Variants in DOCK9 observed in about 807,000 individuals in gnomAD.
The protein encoded by DOCK9 is dedicator of cytokinesis 9.
Under a neutral mutation model 263.3 loss-of-function variants are expected in DOCK9, and 89 were observed. That is an observed-to-expected ratio of 0.34 (90% CI 0.28 to 0.40). The LOEUF (loss-of-function observed/expected upper bound fraction) is 0.40. DOCK9 is among the 10% of genes least tolerant of loss of function. The probability of loss-of-function intolerance (pLI) is 1.00; values close to 1 mark genes in which losing one functional copy is unlikely to be tolerated. For missense variants in DOCK9, 2,140 were observed against 2,603.4 expected, an observed-to-expected ratio of 0.82 and a Z score of 3.87; for synonymous variants, 976 against 973.1, an observed-to-expected ratio of 1.00 and a Z score of -0.06.
chr13:99,001,701 G>A (rs1882359175), intron 1 of DOCK9, among the ~76,000 whole-genome samples: 1 of 152,252 alleles, frequency 6.6e-6, no homozygotes, highest in African/African-American at 2.4e-5. Flanking sequence ...ACAGCATGGA[G>A]ACATGAAAGA....
chr13:98,871,589 T>C (rs2094188003), intron 27 of DOCK9, among the ~76,000 whole-genome samples: 1 of 152,260 alleles, frequency 6.6e-6, no homozygotes, highest in Admixed American at 6.5e-5. Context: ...TGGAGATTAC[T>C]ATAAACTGAA....
chr13:98,967,660 C>T (rs931863247), intron 1 of DOCK9, among the ~76,000 whole-genome samples: 3 of 152,200 alleles, frequency 2.0e-5, no homozygotes, highest in Admixed American at 6.5e-5. Context: ...TCAGGCTCCA[C>T]GTCGCCAGGG....
At chr13:98,916,656 T>C (rs1301540237) in intron 7 of DOCK9, among the ~76,000 whole-genome samples, 4 of 152,224 alleles carry the variant, frequency 2.6e-5, no homozygotes, top group African/African-American at 9.7e-5. Context: ...ATTGCCACTT[T>C]GGATTCCACT....
chr13:98,902,937 T>A, intron 11 of DOCK9, 35 bp downstream of exon 11: 1 of 1,477,416 alleles, frequency 6.8e-7, no homozygotes, highest in East Asian at 2.5e-5. Context: ...CTGCCTATTT[T>A]TTTTTTAATG....
Position 98,797,473 on chromosome 13 carries a change from A to G in DOCK9, c.5933T>C (p.Leu1978Pro). The change falls in exon 51 of 53, where the codon CTA becomes CCA. Residue 1978 changes from leucine to proline, a missense_variant. Transcript: ENST00000682017. ...ATCTAAGAAAGCTCGCGCATATGCT[A>G]GTGGGCCAGCATTGACCTAGACAAA... ...SVSVQVNAGPLAYARAFLDDT... is the reference protein window; with the variant it reads ...SVSVQVNAGPPAYARAFLDDT... 1 of 1,611,740 alleles carries G rather than the reference A, an allele frequency of 6.2e-7. No individual in the cohort carries two copies. Among genetic ancestry groups the G allele is most frequent in the Non-Finnish European group, 8.5e-7 (1 of 1,178,878 alleles).
intron 35 of DOCK9, 54 bp from the exon 36 acceptor site, chr13:98,850,167 GA>G (rs2093520543): frequency 8.0e-6 from 10 of 1,249,412 alleles, no homozygotes; most frequent in Non-Finnish European, 1.1e-5. Context: ...ACATTATGGA[GA>G]ATCACCTGTT....
chr13:98,957,974 C>T (rs1334404520), intron 1 of DOCK9, among the ~76,000 whole-genome samples: 1 of 152,210 alleles, frequency 6.6e-6, no homozygotes, highest in Non-Finnish European at 1.5e-5. Flanking sequence ...GCTGAATCCT[C>T]AGCTGGGTGC....
intron 5 of DOCK9, among the ~76,000 whole-genome samples, chr13:98,922,483 G>A (rs774711207): frequency 3.9e-5 from 6 of 152,100 alleles, no homozygotes; most frequent in Non-Finnish European, 8.8e-5. Context: ...CTGGTTTCAC[G>A]AAAAAATGTT....
At chr13:99,082,821 G>A (rs947237443) in intron 1 of DOCK9, among the ~76,000 whole-genome samples, 5 of 152,134 alleles carry the variant, frequency 3.3e-5, no homozygotes, top group Non-Finnish European at 7.3e-5. Flanking sequence ...AAGAAACTGA[G>A]CCCCAACAAG....
intron 2 of DOCK9, among the ~76,000 whole-genome samples, chr13:98,932,378 G>C (rs560917292): frequency 6.6e-6 from 1 of 151,208 alleles, no homozygotes; most frequent in African/African-American, 2.4e-5. Flanking sequence ...CTGGGCAACA[G>C]AGCAAGACTC....
intron 6 of DOCK9, among the ~76,000 whole-genome samples, chr13:98,921,497 A>T (rs1403937320): frequency 6.6e-6 from 1 of 152,138 alleles, no homozygotes; most frequent in Admixed American, 6.5e-5. Context: ...AATGACAGTC[A>T]CATTTCCTCC....
chr13:98,877,930 G>T (rs756347163), intron 27 of DOCK9, among the ~76,000 whole-genome samples: 1 of 152,154 alleles, frequency 6.6e-6, no homozygotes, highest in Non-Finnish European at 1.5e-5. Flanking sequence ...ATCCACTGGC[G>T]CCTCGTCATG....
chr13:98,828,949 C>A (rs1415163351), intron 43 of DOCK9, among the ~76,000 whole-genome samples: 3 of 152,146 alleles, frequency 2.0e-5, no homozygotes, highest in South Asian at 2.1e-4. Flanking sequence ...GAGGAGAAAG[C>A]AACACCTGTC....
At chr13:98,976,472 A>G (rs2031447) in intron 1 of DOCK9, among the ~76,000 whole-genome samples, 22,597 of 152,230 alleles carry the variant, frequency 0.15, 2,413 homozygotes, top group East Asian at 0.43. Flanking sequence ...CTGGAGAATC[A>G]CTGACAGAAG....
At chr13:98,814,431 A>G (rs2091619951) in intron 45 of DOCK9, among the ~76,000 whole-genome samples, 1 of 143,526 alleles carries the variant, frequency 7.0e-6, no homozygotes, top group Non-Finnish European at 1.5e-5. Context: ...TTGAGACAAG[A>G]GTCTCATTCT....
rs995932446 is a variant in DOCK9, at chr13:98,809,186, C to T, written c.5367+166G>A. The T allele has an allele frequency of 5.0e-6, 7 of 1,386,952 alleles. No homozygotes were observed. In the African/African-American group the frequency reaches 5.8e-5, roughly 12 times the overall value. 85.9% of individuals were successfully genotyped at this position (1,386,952 alleles called of 1,614,324 possible). On this transcript the variant is annotated intron_variant, in intron 47 of 52. Transcript: ENST00000682017. The stretch of plus-strand genomic sequence containing the variant: ...AAGAAAAAAAGCAGAAAGTTTACTA[C>T]TGAGGAAGATAAGAATCATACTAAA...
intron 2 of DOCK9, among the ~76,000 whole-genome samples, chr13:98,946,971 T>C (rs973384792): frequency 6.6e-6 from 1 of 152,228 alleles, no homozygotes; most frequent in African/African-American, 2.4e-5. Flanking sequence ...AGCCCAGGCT[T>C]CAGTCCGTCA....
intron 1 of DOCK9, among the ~76,000 whole-genome samples, chr13:99,042,067 G>A (rs566985712): frequency 5.4e-4 from 83 of 152,332 alleles, no homozygotes; most frequent in Non-Finnish European, 7.3e-4. Flanking sequence ...ACTGAAACCA[G>A]TATGATTACC....
At chr13:99,040,999 C>T (rs1343064642) in intron 1 of DOCK9, among the ~76,000 whole-genome samples, 1 of 152,140 alleles carries the variant, frequency 6.6e-6, no homozygotes, top group African/African-American at 2.4e-5. Context: ...AACCTTTTAT[C>T]CAGAGGTGTC....
Sources: allele counts gnomAD v4.1 joint callset (sites outside exome capture counted in the v4.1 genomes callset), GRCh38; gene constraint gnomAD v4.1.1; transcripts MANE v1.5; gene names NCBI Gene and HGNC (gene_info 2026-07-23, HGNC 2026-07-21).